The following MAMDC4 variants were observed in gnomAD, a reference collection of about 807,000 sequenced individuals.
MAMDC4 encodes apical endosomal glycoprotein.
Under a neutral mutation model 153.3 loss-of-function variants are expected in MAMDC4, and 168 were observed. That is an observed-to-expected ratio of 1.10 (90% CI 0.97 to 1.25). MAMDC4 has a LOEUF of 1.25. Ranked by LOEUF, MAMDC4 falls within the 50% of genes most tolerant of loss-of-function variation. The pLI, the probability that MAMDC4 is intolerant of heterozygous loss-of-function variation, is 0.00. For missense variants in MAMDC4, 1,701 were observed against 1,542.8 expected, an observed-to-expected ratio of 1.10 and a Z score of -1.72; for synonymous variants, 744 against 651.5, an observed-to-expected ratio of 1.14 and a Z score of -2.16.
chr9:136,857,744 G>A lies in MAMDC4; in HGVS notation c.2412G>A (p.Leu804=), dbSNP rs1442510133. 1.2e-6 allele frequency: 2 copies of A among 1,612,552 alleles called. No homozygotes were observed. Among genetic ancestry groups the A allele is most frequent in the Non-Finnish European group, 8.5e-7 (1 of 1,179,882 alleles). Residue 804 remains leucine, a synonymous_variant, in exon 19 of 27, where the codon CTG becomes CTA. Transcript: ENST00000317446. ...ASLTSKEHRP[L]AQPACLTFWY... is the part of the protein sequence containing the mutation. ...TGACCTCCAAGGAGCACAGGCCCCT[G>A]GCCCAGCCTGCTTGTCTGACCTTCT...
rs1301743703 is a variant in MAMDC4, at chr9:136,859,301, G to A, written c.3177G>A (p.Gln1059=). The A allele has an allele frequency of 6.2e-7, 1 of 1,611,292 alleles. No individual in the cohort carries two copies. The highest frequency in any genetic ancestry group is 8.5e-7 in the Non-Finnish European group (1 of 1,179,188). The change falls in exon 25 of 27, where the codon CAG becomes CAA. Residue 1059 remains glutamine, a synonymous_variant. Coordinates refer to ENST00000317446, the MANE Select transcript of MAMDC4 (RefSeq NM_206920.3). ...ATCTGGCTGGGCAGCATTGCCAGCA[G>A]CCTGCCCCCAGCCCGGGTGAGCCCT... The part of the protein sequence containing the change: ...VEYLAGQHCQ[Q]PAPSPGNTAA...
Position 136,853,663 on chromosome 9 carries a change from C to G in MAMDC4, c.447C>G (p.Ala149=), listed in dbSNP as rs149865934. 169 of 1,593,800 alleles carry G rather than the reference C, an allele frequency of 1.1e-4. 1 individual carries two copies. The African/African-American group carries it at 2.2e-3, about 20-fold the overall frequency. Residue 149 remains alanine (A), a synonymous_variant, in exon 4 of 27, where the codon GCC becomes GCG. Coordinates refer to ENST00000317446, the MANE Select transcript of MAMDC4 (RefSeq NM_206920.3). The part of the protein sequence containing the change: ...SCKLRLWYHA[A]SGDVAELRVE... The stretch of plus-strand genomic sequence containing the variant: ...AGCTGAGGCTCTGGTACCACGCGGC[C>G]TCTGGAGGTGCACCCTGGACCCCCA...
At chr9:136,855,666 G>A in intron 12 of MAMDC4, 47 bp downstream of exon 12, 5 of 1,566,650 alleles carry the variant, frequency 3.2e-6, no homozygotes, top group Non-Finnish European at 4.3e-6. Flanking sequence ...GGAGCCAAGG[G>A]GGTAGGCGCC....
Position 136,853,769 on chromosome 9 carries a change from C to T in MAMDC4, c.455-8C>T, listed in dbSNP as rs1376020439. The stretch of plus-strand genomic sequence containing the variant: ...GCCGCAGCTGCCCTGGGACCCCTGA[C>T]ATTGCAGATGTGGCTGAACTGCGGG... On this transcript the variant is annotated splice_polypyrimidine_tract_variant and splice_region_variant and intron_variant, in intron 4 of 26. Transcript: ENST00000317446. The T allele has an allele frequency of 6.2e-7, 1 of 1,607,750 alleles. No individual in the cohort carries two copies. Among genetic ancestry groups the T allele is most frequent in the Non-Finnish European group, 8.5e-7 (1 of 1,177,146 alleles).
chr9:136,855,296 C>G lies in MAMDC4; in HGVS notation c.1240C>G (p.Leu414Val), dbSNP rs1848988015. ...GQTGPGGVVG[L>V]DDLILSDHCR... ...GACAGGCCCGGGGGGCGTCGTGGGT[C>G]TGGACGACCTCATCCTGTCTGACCA... Residue 414 changes from leucine to valine, a missense_variant, in exon 11 of 27, where the codon CTG becomes GTG. Physicochemically the swap from Leu to Val is conservative, Grantham distance 32. Transcript: ENST00000317446. 1 of 1,606,450 alleles carries G rather than the reference C, an allele frequency of 6.2e-7. No homozygotes were observed.
Position 136,856,929 on chromosome 9 carries a change from C to A in MAMDC4, c.1860C>A (p.Pro620=). 1 of 1,610,354 alleles carries A rather than the reference C, an allele frequency of 6.2e-7. No individual in the cohort carries two copies. The highest frequency in any genetic ancestry group is 1.7e-5 in the Admixed American group (1 of 59,898). The stretch of plus-strand genomic sequence containing the variant: ...CAGGCCACTTTGTGCTCCTGGACCC[C>A]ACAGACCCCCTGGCCTGGGGCCACA... ...TGQGHFVLLD[P]TDPLAWGHSA... The change falls in exon 16 of 27, where the codon CCC becomes CCA. Residue 620 remains proline (P), a synonymous_variant. Transcript: ENST00000317446.
rs770995885 is a variant in MAMDC4 at position 136,856,095 on chromosome 9, T to C, written c.1666T>C (p.Ser556Pro). The change falls in exon 14 of 27, where the codon TCT (serine) becomes CCT (proline). Residue 556 changes from serine (S) to proline (P), a missense_variant. Physicochemically the swap from Ser to Pro is moderately conservative, Grantham distance 74. Transcript: ENST00000317446. ...GGTCCTCACACCCCTCCTTGGCCCT[T>C]CTGGCCCCAGCTGTGAACTCCACCT... ...ARVLTPLLGP[S>P]GPSCELHLAY... The C allele has an allele frequency of 1.9e-6, 3 of 1,612,444 alleles. No homozygotes were observed. The highest frequency in any genetic ancestry group is 1.1e-5 in the South Asian group (1 of 91,086).
Position 136,853,580 on chromosome 9 carries a change from G to A in MAMDC4, c.364G>A (p.Glu122Lys), listed in dbSNP as rs1450606592. 1 of 1,612,636 alleles carries A rather than the reference G, an allele frequency of 6.2e-7. No homozygotes were observed. The highest frequency in any genetic ancestry group is 8.5e-7 in the Non-Finnish European group (1 of 1,179,932). Residue 122 changes from glutamate to lysine, a missense_variant, in exon 4 of 27, where the codon GAG becomes AAG. Coordinates refer to ENST00000317446, the MANE Select transcript of MAMDC4 (RefSeq NM_206920.3). Reference sequence around the variant, plus strand: ...GGCCGTTGGAACCCACCGAGGGAAAGAGGCATCCACCGCAGCCCTGCGCTC... The same window carrying A: ...GGCCGTTGGAACCCACCGAGGGAAAAAGGCATCCACCGCAGCCCTGCGCTC... ...YMAVGTHRGK[E>K]ASTAALRSPT...
Position 136,853,673 on chromosome 9 carries a change from G to T in MAMDC4, c.454+3G>T, listed in dbSNP as rs780539373. 5.2e-6 allele frequency: 7 copies of T among 1,357,062 alleles called. No homozygotes were observed. Among genetic ancestry groups the T allele is most frequent in the Non-Finnish European group, 5.9e-6 (6 of 1,018,976 alleles). 84.1% of individuals were successfully genotyped at this position (1,357,062 alleles called of 1,614,324 possible). A position where few individuals can be genotyped will look rare whatever the true frequency, so the allele number is the denominator to read the frequency against. On this transcript the variant is annotated splice_donor_region_variant and intron_variant, in intron 4 of 26. Transcript: ENST00000317446. ...CTGGTACCACGCGGCCTCTGGAGGT[G>T]CACCCTGGACCCCCAAGGCTCGTGG...
chr9:136,855,239 C>T lies in MAMDC4; in HGVS notation c.1198-15C>T, dbSNP rs780951271. On this transcript the variant is annotated splice_polypyrimidine_tract_variant and intron_variant, in intron 10 of 26. Transcript: ENST00000317446. ...GGAAATAGGCTGGGCACCCCCTGAG[C>T]CCCTCTGCCCTCAGATCCTCCTGGC... 2.5e-6 allele frequency: 4 copies of T among 1,581,694 alleles called. No homozygotes were observed. Among genetic ancestry groups the T allele is most frequent in the Non-Finnish European group, 3.4e-6 (4 of 1,164,708 alleles).
chr9:136,859,484 C>T (rs1203067563), intron 25 of MAMDC4, 167 bp downstream of exon 25: 1 of 681,552 alleles, frequency 1.5e-6, no homozygotes, highest in Non-Finnish European at 2.4e-6. Flanking sequence ...TCACTCTGCC[C>T]TGCTCACCCC....
chr9:136,852,608 A>G (rs1333316002), intron 1 of MAMDC4, 146 bp downstream of exon 1: 3 of 1,028,476 alleles, frequency 2.9e-6, no homozygotes, highest in Non-Finnish European at 4.4e-6. Flanking sequence ...GCCGGCCTGC[A>G]AGGGGGGTGA....
At position 136,857,693 on chromosome 9, in the gene MAMDC4, A is replaced by G. The variant is rs1330016541; in HGVS notation, c.2361A>G (p.Ala787=). ...TGGTGGTGGACACAAGCCCAGACGC[A>G]CTACCCCGGGGCCAGACGGCCTCCC... ...HYMVVDTSPD[A]LPRGQTASLT... Residue 787 remains alanine, a synonymous_variant, in exon 19 of 27, where the codon GCA becomes GCG. Coordinates refer to ENST00000317446, the MANE Select transcript of MAMDC4 (RefSeq NM_206920.3). 3.1e-6 allele frequency: 5 copies of G among 1,612,534 alleles called. No individual in the cohort carries two copies. Among genetic ancestry groups the G allele is most frequent in the Admixed American group, 1.7e-5 (1 of 60,010 alleles).
chr9:136,853,760 G>A lies in MAMDC4; in HGVS notation c.455-17G>A. On this transcript the variant is annotated splice_polypyrimidine_tract_variant and intron_variant, in intron 4 of 26. Coordinates refer to ENST00000317446, the MANE Select transcript of MAMDC4 (RefSeq NM_206920.3). The stretch of plus-strand genomic sequence containing the variant: ...ACAAGCAGGGCCGCAGCTGCCCTGG[G>A]ACCCCTGACATTGCAGATGTGGCTG... 1 of 1,607,578 alleles carries A rather than the reference G, an allele frequency of 6.2e-7. No individual in the cohort carries two copies. The highest frequency in any genetic ancestry group is 8.5e-7 in the Non-Finnish European group (1 of 1,177,086).
Position 136,857,413 on chromosome 9 carries a change from T to C in MAMDC4, c.2153T>C (p.Leu718Pro). The C allele has an allele frequency of 6.2e-7, 1 of 1,608,172 alleles. No individual in the cohort carries two copies. The highest frequency in any genetic ancestry group is 8.5e-7 in the Non-Finnish European group (1 of 1,179,902). The change falls in exon 18 of 27, where the codon CTG (leucine) becomes CCG (proline). Residue 718 changes from leucine to proline, a missense_variant. Coordinates refer to ENST00000317446, the MANE Select transcript of MAMDC4 (RefSeq NM_206920.3). ...GACGGATACCACGGCACCATGGCGCTGGACGATGTGGCCGTGCGGCCGGGC... is the reference window on the plus strand; with the variant it reads ...GACGGATACCACGGCACCATGGCGCCGGACGATGTGGCCGTGCGGCCGGGC... ...LRDGYHGTMALDDVAVRPGPC... is the reference protein window; with the variant it reads ...LRDGYHGTMAPDDVAVRPGPC...
rs553420992 is a variant in MAMDC4 at position 136,855,026 on chromosome 9, C to G, written c.1113C>G (p.Pro371=). The G allele has an allele frequency of 1.9e-6, 3 of 1,604,562 alleles. No homozygotes were observed. Among genetic ancestry groups the G allele is most frequent in the East Asian group, 2.2e-5 (1 of 44,770 alleles). The change falls in exon 10 of 27, where the codon CCC becomes CCG. Residue 371 remains proline (P), a synonymous_variant. Coordinates refer to ENST00000317446, the MANE Select transcript of MAMDC4 (RefSeq NM_206920.3). Reference sequence around the variant, plus strand: ...TGGGGCCCGGCGCCCCCCGGGCCCCCGTCCTGCTGCGGAGGCGCCGAGGGG... The same window carrying G: ...TGGGGCCCGGCGCCCCCCGGGCCCCGGTCCTGCTGCGGAGGCGCCGAGGGG... ...QTLGPGAPRA[P]VLLRRRRGEL... is the part of the protein sequence containing the mutation.
rs748956845 is a variant in MAMDC4, at chr9:136,856,538, G to A, written c.1721-172G>A. The A allele has an allele frequency of 7.5e-6, 6 of 803,724 alleles. No individual in the cohort carries two copies. In the African/African-American group the frequency reaches 8.4e-5, roughly 11 times the overall value. The allele number at this position is 803,724 out of a possible 1,614,324, so 49.8% of individuals were successfully genotyped here. On this transcript the variant is annotated intron_variant, in intron 14 of 26. Coordinates refer to ENST00000317446, the MANE Select transcript of MAMDC4 (RefSeq NM_206920.3). ...CTGGGGTGGACAACGTGACCCTGAGGGACTGTAGCCCCACAGTGACCACCG... is the reference window on the plus strand; with the variant it reads ...CTGGGGTGGACAACGTGACCCTGAGAGACTGTAGCCCCACAGTGACCACCG...
chr9:136,860,720 G>T lies in MAMDC4; in HGVS notation c.*117G>T. The T allele has an allele frequency of 8.9e-7, 1 of 1,129,108 alleles. No individual in the cohort carries two copies. 69.9% of individuals were successfully genotyped at this position (1,129,108 alleles called of 1,614,324 possible). ...GGACAGGCTGCAGGTCTCAGGATAT[G>T]CTGAGGCCTGGGCGTTCCCTGCCCT... On this transcript the variant is annotated 3_prime_UTR_variant, in exon 27 of 27. Transcript: ENST00000317446.
intron 25 of MAMDC4, 96 bp from the exon 26 acceptor site, chr9:136,859,790 C>A: frequency 1.5e-6 from 2 of 1,336,208 alleles, no homozygotes; most frequent in South Asian, 1.3e-5. Context: ...CCCCAGGAGC[C>A]AGCAGAGGCT....
Sources: allele counts gnomAD v4.1 joint callset, GRCh38; gene constraint gnomAD v4.1.1; transcripts MANE v1.5; gene names NCBI Gene and HGNC (gene_info 2026-07-23, HGNC 2026-07-21).